NELL1: variants seen among roughly 807,000 people sequenced by gnomAD.
NELL1 encodes protein kinase C-binding protein NELL1.
In NELL1, 76 loss-of-function variants were observed where a neutral mutation model predicts 107.4. The observed-to-expected ratio is 0.71, with a 90% CI of 0.59 to 0.86. The LOEUF is 0.86. NELL1 is among the 40% of genes least tolerant of loss of function. The pLI is 0.00. For missense variants in NELL1, 1,024 were observed against 1,005.5 expected (o/e 1.02, Z -0.25); for synonymous variants, 353 against 341.2 (o/e 1.03, Z -0.38).
intron 10 of NELL1, among the ~76,000 whole-genome samples, chr11:20,940,168 C>T (rs1211113872): frequency 2.0e-5 from 3 of 151,794 alleles, no homozygotes; most frequent in African/African-American, 7.3e-5. Flanking sequence ...TCTCTCTCTC[C>T]CTCCCTTCCT....
chr11:21,377,180 T>G (rs1851500781), intron 15 of NELL1, among the ~76,000 whole-genome samples: 1 of 152,046 alleles, frequency 6.6e-6, no homozygotes, highest in African/African-American at 2.4e-5. Context: ...TGGCTGTGGA[T>G]TTGTCATAGA....
Position 20,815,333 on chromosome 11 carries a change from G to T in NELL1, c.335+31503G>T, listed in dbSNP as rs192368050. Among the ~76,000 whole-genome samples the T allele has an allele frequency of 1.6e-3, 236 of 152,168 alleles. 1 individual carries two copies. Among genetic ancestry groups the T allele is most frequent in the Non-Finnish European group, 2.2e-3 (149 of 67,992 alleles). The stretch of plus-strand genomic sequence containing the variant: ...ACTCCTGACCTCAGGTGATCCACCC[G>T]CCTCAGCCTCCCAAAGTGCTGGGAT... On this transcript the variant is annotated intron_variant, in intron 3 of 19. Transcript: ENST00000357134.
intron 13 of NELL1, among the ~76,000 whole-genome samples, chr11:21,205,409 C>T (rs964581911): frequency 1.3e-5 from 2 of 152,202 alleles, no homozygotes; most frequent in Admixed American, 6.5e-5. Context: ...TTTGTTTACA[C>T]CGTGAGGGTA....
intron 12 of NELL1, among the ~76,000 whole-genome samples, chr11:21,061,434 TA>T (rs2134363183): frequency 6.6e-6 from 1 of 152,216 alleles, no homozygotes; most frequent in South Asian, 2.1e-4. Flanking sequence ...GTTGACCAGA[TA>T]AAAAAGAAGG....
At chr11:20,837,433 C>T (rs11025780) in intron 3 of NELL1, among the ~76,000 whole-genome samples, 4,490 of 152,136 alleles carry the variant, frequency 0.03, 82 homozygotes, top group Middle Eastern at 0.054. Flanking sequence ...GTTATACACA[C>T]ACATATATTT....
chr11:21,101,374 A>G (rs1854807355), intron 12 of NELL1, among the ~76,000 whole-genome samples: 2 of 152,214 alleles, frequency 1.3e-5, no homozygotes, highest in Non-Finnish European at 2.9e-5. Context: ...TGGCTGGGTC[A>G]AATGGTATTT....
At chr11:21,431,313 C>T (rs1392245520) in intron 15 of NELL1, among the ~76,000 whole-genome samples, 1 of 152,144 alleles carries the variant, frequency 6.6e-6, no homozygotes, top group Non-Finnish European at 1.5e-5. Context: ...TACAAAAATC[C>T]TTTTCCTTTC....
At chr11:20,975,737 A>G (rs1255714393) in intron 12 of NELL1, among the ~76,000 whole-genome samples, 6 of 103,886 alleles carry the variant, frequency 5.8e-5, no homozygotes, top group African/African-American at 8.4e-5. Context: ...TATATAATGT[A>G]TGTATTATAT....
At chr11:20,847,192 AAAAGG>A in intron 3 of NELL1, among the ~76,000 whole-genome samples, 1 of 152,174 alleles carries the variant, frequency 6.6e-6, no homozygotes, top group African/African-American at 2.4e-5. Flanking sequence ...TTAATTCTTG[AAAAGG>A]TAAAGATAAT....
At chr11:21,043,697 G>A (rs1853292161) in intron 12 of NELL1, among the ~76,000 whole-genome samples, 1 of 152,286 alleles carries the variant, frequency 6.6e-6, no homozygotes, top group South Asian at 2.1e-4. Context: ...AGTGAGAGAG[G>A]ATGGAGATTG....
rs577597883 is a variant in NELL1 at position 21,281,448 on chromosome 11, C to T, written c.1549+51994C>T. On this transcript the variant is annotated intron_variant, in intron 14 of 19. Coordinates refer to ENST00000357134, the MANE Select transcript of NELL1 (RefSeq NM_006157.5). Reference sequence around the variant, plus strand: ...ACTCCAGTCCCTGGCTCCTGGATGGCACCTCTGTACCCAACCAGGGCCTGG... The same window carrying T: ...ACTCCAGTCCCTGGCTCCTGGATGGTACCTCTGTACCCAACCAGGGCCTGG... Among the ~76,000 whole-genome samples the T allele has an allele frequency of 2.0e-5, 3 of 152,250 alleles. No individual in the cohort carries two copies. The South Asian group carries it at 6.2e-4, about 32-fold the overall frequency.
At chr11:20,856,090 T>C (rs1451099964) in intron 4 of NELL1, among the ~76,000 whole-genome samples, 1 of 152,264 alleles carries the variant, frequency 6.6e-6, no homozygotes, top group East Asian at 1.9e-4. Flanking sequence ...TCTGCTCAGC[T>C]ATTCCTCTTT....
chr11:20,856,042 A>G (rs1393055175), intron 4 of NELL1, among the ~76,000 whole-genome samples: 5 of 152,270 alleles, frequency 3.3e-5, no homozygotes, highest in Non-Finnish European at 7.3e-5. Flanking sequence ...AATAGCAGCC[A>G]GAGCTGTTGG....
chr11:21,485,362 A>T (rs1398409565), intron 15 of NELL1, among the ~76,000 whole-genome samples: 3 of 152,034 alleles, frequency 2.0e-5, no homozygotes, highest in African/African-American at 7.2e-5. Context: ...CACAGGCCCC[A>T]TAGCTGTCTG....
chr11:21,317,573 A>G (rs1246688269), intron 14 of NELL1, among the ~76,000 whole-genome samples: 2 of 151,776 alleles, frequency 1.3e-5, no homozygotes, highest in South Asian at 2.1e-4. Flanking sequence ...GATATTTTAT[A>G]TGTTCCTCAG....
chr11:20,952,542 A>T lies in NELL1; in HGVS notation c.1171+5107A>T, dbSNP rs138873718. 2.3e-3 allele frequency among the ~76,000 whole-genome samples: 347 copies of T among 152,336 alleles called. 2 individuals are homozygous for T. Among genetic ancestry groups the T allele is most frequent in the Non-Finnish European group, 4.2e-3 (288 of 68,030 alleles). ...AGACCTGAGAAAAAGGCACTTAATGAGAGTGTAAACTAGTGCCTAAATAGA... is the reference window on the plus strand; with the variant it reads ...AGACCTGAGAAAAAGGCACTTAATGTGAGTGTAAACTAGTGCCTAAATAGA... On this transcript the variant is annotated intron_variant, in intron 11 of 19. Transcript: ENST00000357134.
At chr11:20,879,283 G>A (rs7936061) in intron 4 of NELL1, among the ~76,000 whole-genome samples, 6,905 of 152,142 alleles carry the variant, frequency 0.045, 503 homozygotes, top group African/African-American at 0.16. Flanking sequence ...TGAATGGATC[G>A]TCCAAATGGG....
In NELL1 at chr11:21,325,115, A is replaced by C. The variant is rs567252716; in HGVS notation, c.1550-45738A>C. ...AAAACACCTTGGAGGAAATTCTTAA[A>C]ATACAAAAAAGTACAAATGCACCGA... On this transcript the variant is annotated intron_variant, in intron 14 of 19. Coordinates refer to ENST00000357134, the MANE Select transcript of NELL1 (RefSeq NM_006157.5). Among the ~76,000 whole-genome samples, 3 of 152,196 alleles carry C rather than the reference A, an allele frequency of 2.0e-5. No homozygotes were observed. The South Asian group carries it at 6.2e-4, about 32-fold the overall frequency.
chr11:20,793,301 A>T (rs1857110005), intron 3 of NELL1, among the ~76,000 whole-genome samples: 1 of 151,874 alleles, frequency 6.6e-6, no homozygotes, highest in Non-Finnish European at 1.5e-5. Context: ...AAGTAGTTGG[A>T]CGTTATAGTC....
Sources: allele counts gnomAD v4.1 joint callset (sites outside exome capture counted in the v4.1 genomes callset), GRCh38; gene constraint gnomAD v4.1.1; transcripts MANE v1.5; gene names NCBI Gene and HGNC (gene_info 2026-07-23, HGNC 2026-07-21).